The following ADGRV1 variants were observed in gnomAD, a reference collection of about 807,000 sequenced individuals.
The protein encoded by ADGRV1 is adhesion G protein-coupled receptor V1, also known as G-protein coupled receptor 98.
A neutral mutation model predicts 596.2 loss-of-function variants in ADGRV1; 359 were observed. The ratio of observed to expected loss-of-function variants is 0.60; its 90% CI spans 0.55 to 0.66. The LOEUF is 0.66. ADGRV1 is among the 30% of genes least tolerant of loss of function. The probability of loss-of-function intolerance (pLI) is 0.00; values close to 1 mark genes in which losing one functional copy is unlikely to be tolerated. For missense variants in ADGRV1, 7,274 were observed against 7,575.6 expected (o/e 0.96, Z 1.48); for synonymous variants, 2,681 against 2,679.2 (o/e 1.00, Z -0.02).
intron 79 of ADGRV1, 80 bp downstream of exon 79, chr5:90,848,901 A>G: frequency 1.0e-6 from 1 of 983,960 alleles, no homozygotes; most frequent in Middle Eastern, 2.2e-4. Flanking sequence ...ATGCAAAATG[A>G]CATTTAGATG....
intron 1 of ADGRV1, among the ~76,000 whole-genome samples, chr5:90,580,167 G>C (rs762447574): frequency 6.6e-6 from 1 of 152,166 alleles, no homozygotes; most frequent in Non-Finnish European, 1.5e-5. Flanking sequence ...ATGTTAACTA[G>C]TTATTTTGCC....
At chr5:90,762,727 CA>C (rs1361665552) in intron 58 of ADGRV1, 1 of 152,212 alleles carries the variant, frequency 6.6e-6, no homozygotes, top group Non-Finnish European at 1.5e-5. Flanking sequence ...CACCATAATT[CA>C]GAGGACAGTT....
intron 85 of ADGRV1, among the ~76,000 whole-genome samples, chr5:91,060,656 T>G (rs1787346347): frequency 6.6e-6 from 1 of 152,204 alleles, no homozygotes; most frequent in Non-Finnish European, 1.5e-5. Context: ...ACCGATGATT[T>G]CTTAATGGTT....
chr5:90,753,032 A>G (rs1755441506), intron 53 of ADGRV1, among the ~76,000 whole-genome samples: 2 of 152,152 alleles, frequency 1.3e-5, no homozygotes, highest in African/African-American at 4.8e-5. Context: ...CTTTTTAGCA[A>G]ATTTGGATTT....
chr5:91,118,267 G>A (rs1281441398), intron 87 of ADGRV1, among the ~76,000 whole-genome samples: 1 of 152,014 alleles, frequency 6.6e-6, no homozygotes, highest in Non-Finnish European at 1.5e-5. Context: ...GGAGAATAAA[G>A]GGAAATACTG....
At chr5:90,605,826 G>A (rs1210389579) in intron 1 of ADGRV1, among the ~76,000 whole-genome samples, 1 of 152,060 alleles carries the variant, frequency 6.6e-6, no homozygotes, top group Non-Finnish European at 1.5e-5. Flanking sequence ...TGGGTGAGAT[G>A]TAAAACTGGT....
At chr5:90,739,895 A>G (rs974447254) in intron 50 of ADGRV1, among the ~76,000 whole-genome samples, 1 of 152,194 alleles carries the variant, frequency 6.6e-6, no homozygotes, top group Non-Finnish European at 1.5e-5. Flanking sequence ...GTAGCTGTTT[A>G]GCTGCTGTAG....
At chr5:91,016,870 G>C (rs1466564824) in intron 85 of ADGRV1, among the ~76,000 whole-genome samples, 2 of 151,886 alleles carry the variant, frequency 1.3e-5, no homozygotes, top group Non-Finnish European at 2.9e-5. Context: ...TTAGTAAAAA[G>C]AGAAAGTACA....
chr5:90,851,968 T>C (rs1766573475), intron 79 of ADGRV1, among the ~76,000 whole-genome samples: 1 of 152,136 alleles, frequency 6.6e-6, no homozygotes, highest in African/African-American at 2.4e-5. Flanking sequence ...CCACATTGTA[T>C]CTGGTCAGGG....
chr5:90,841,579 T>A (rs1765433813), intron 78 of ADGRV1, among the ~76,000 whole-genome samples: 1 of 152,144 alleles, frequency 6.6e-6, no homozygotes, highest in African/African-American at 2.4e-5. Flanking sequence ...TGGAATTAAA[T>A]GGAGATGTGA....
intron 86 of ADGRV1, among the ~76,000 whole-genome samples, chr5:91,088,142 A>G (rs1790048527): frequency 2.0e-5 from 3 of 152,216 alleles, no homozygotes; most frequent in Admixed American, 6.5e-5. Context: ...AATGTGTTGC[A>G]TAGTTACATA....
intron 83 of ADGRV1, among the ~76,000 whole-genome samples, chr5:90,866,459 T>C (rs552889296): frequency 6.6e-6 from 1 of 152,132 alleles, no homozygotes; most frequent in Non-Finnish European, 1.5e-5. Flanking sequence ...AATCATTGAC[T>C]ATAAAATATC....
At chr5:90,908,207 T>C (rs1772503357) in intron 83 of ADGRV1, among the ~76,000 whole-genome samples, 1 of 152,072 alleles carries the variant, frequency 6.6e-6, no homozygotes, top group African/African-American at 2.4e-5. Context: ...ATTATACTTT[T>C]TTATATTATT....
chr5:90,797,660 T>A (rs1440524353), intron 70 of ADGRV1, among the ~76,000 whole-genome samples: 1 of 152,144 alleles, frequency 6.6e-6, no homozygotes, highest in Non-Finnish European at 1.5e-5. Flanking sequence ...CCACCCCAAA[T>A]CAACGGAATA....
chr5:91,085,923 G>A (rs555509402), intron 86 of ADGRV1, among the ~76,000 whole-genome samples: 98 of 152,248 alleles, frequency 6.4e-4, no homozygotes, highest in South Asian at 2.7e-3. Flanking sequence ...TCACAGTTAA[G>A]CCTTCAGAGT....
chr5:90,729,022 A>T, intron 49 of ADGRV1, 89 bp downstream of exon 49: 1 of 939,342 alleles, frequency 1.1e-6, no homozygotes, highest in Middle Eastern at 3.5e-4. Flanking sequence ...ATGCTCTTGC[A>T]ATAATTTTTT....
At chr5:90,792,904 C>A (rs1033314915) in intron 70 of ADGRV1, 4 of 152,252 alleles carry the variant, frequency 2.6e-5, no homozygotes, top group Admixed American at 6.5e-5. Flanking sequence ...AGACTGGAAT[C>A]ATTGACACAT....
At chr5:90,734,938 C>G (rs1350296044) in intron 50 of ADGRV1, among the ~76,000 whole-genome samples, 1 of 152,190 alleles carries the variant, frequency 6.6e-6, no homozygotes, top group Non-Finnish European at 1.5e-5. Flanking sequence ...AACCATTTAT[C>G]AGATAGCTGT....
At chr5:91,150,293 C>T (rs1269559145) in intron 88 of ADGRV1, 72 bp downstream of exon 88, 12 of 1,202,234 alleles carry the variant, frequency 1.0e-5, no homozygotes, top group South Asian at 2.0e-5. Flanking sequence ...CTGTCTCTCT[C>T]TCTGTGTCTG....
Sources: gnomAD v4.1 joint callset for allele counts (sites outside exome capture counted in the v4.1 genomes callset) on GRCh38, gnomAD v4.1.1 for gene constraint, MANE v1.5 for transcripts, NCBI Gene and HGNC (gene_info 2026-07-23, HGNC 2026-07-21) for gene names.